Variants in SLC26A9 observed in about 807,000 individuals in gnomAD.
SLC26A9 encodes anion transporter/exchanger protein 9.
In SLC26A9, 46 loss-of-function variants were observed where a neutral mutation model predicts 87.1. That is an observed-to-expected ratio of 0.53 (90% CI 0.42 to 0.67). SLC26A9 has a LOEUF of 0.67. Among genes scored for constraint, SLC26A9 ranks in the 30% least tolerant of loss-of-function variants. The pLI, the probability that SLC26A9 is intolerant of heterozygous loss-of-function variation, is 0.00. For missense variants in SLC26A9, 927 were observed against 1,018.3 expected, an observed-to-expected ratio of 0.91 and a Z score of 1.22; for synonymous variants, 437 against 409.1, an observed-to-expected ratio of 1.07 and a Z score of -0.82.
chr1:205,919,260 G>T (rs1446361298), intron 18 of SLC26A9, among the ~76,000 whole-genome samples: 1 of 152,190 alleles, frequency 6.6e-6, no homozygotes, highest in Non-Finnish European at 1.5e-5. Context: ...AAAAGCCTAA[G>T]CCATCCTTGA....
intron 1 of SLC26A9, among the ~76,000 whole-genome samples, chr1:205,936,168 T>G (rs1314842595): frequency 1.3e-5 from 2 of 152,140 alleles, no homozygotes; most frequent in Non-Finnish European, 2.9e-5. Context: ...AGGCCCCACT[T>G]GATTCAGCAG....
At chr1:205,926,749 G>A in intron 11 of SLC26A9, 119 bp from the exon 12 acceptor site, 1 of 793,148 alleles carries the variant, frequency 1.3e-6, no homozygotes, top group Middle Eastern at 2.3e-4. Context: ...ACCTCCCCTG[G>A]CTGATCCCCC....
intron 20 of SLC26A9, among the ~76,000 whole-genome samples, chr1:205,917,007 C>T (rs1190949696): frequency 4.6e-5 from 7 of 151,494 alleles, no homozygotes; most frequent in African/African-American, 1.7e-4. Context: ...GCAGGAGAAC[C>T]TCTGGAACCC....
intron 2 of SLC26A9, among the ~76,000 whole-genome samples, chr1:205,934,249 T>C (rs1995006): frequency 0.15 from 22,915 of 152,212 alleles, 2,564 homozygotes; most frequent in East Asian, 0.67. Context: ...CCCCCTGTCC[T>C]TTCTGGGGCT....
rs561710394 is a variant in SLC26A9 at position 205,929,068 on chromosome 1, C to G, written c.870+136G>C. ...GTAGAAAGAGAGGAAACGCCACATA[C>G]GGGGGATGGGATGGATTCACAACTG... On this transcript the variant is annotated intron_variant, in intron 7 of 20. Coordinates refer to ENST00000367135, the MANE Select transcript of SLC26A9 (RefSeq NM_052934.4). 4.1e-6 allele frequency: 6 copies of G among 1,463,580 alleles called. No homozygotes were observed. In the African/African-American group the frequency reaches 5.6e-5, roughly 14 times the overall value. The allele number at this position is 1,463,580 out of a possible 1,614,324, so 90.7% of individuals were successfully genotyped here.
chr1:205,927,543 G>A lies in SLC26A9; in HGVS notation c.1164C>T (p.Cys388=), dbSNP rs1344781827. 1.9e-6 allele frequency: 3 copies of A among 1,614,018 alleles called. No individual in the cohort carries two copies. The African/African-American group carries it at 4.0e-5, about 22-fold the overall frequency. ...CAGCCAGAGTGACAGAAAGCGCACA[G>A]CAAATGACATGAATTTTAAAGAAGG... ...FGSFFKIHVI[C]CALSVTLAVD... Residue 388 remains cysteine, a synonymous_variant, in exon 10 of 21, where the codon TGC becomes TGT. Coordinates refer to ENST00000367135, the MANE Select transcript of SLC26A9 (RefSeq NM_052934.4).
chr1:205,929,717 C>A (rs911665508), intron 6 of SLC26A9, among the ~76,000 whole-genome samples, 175 bp downstream of exon 6: 2 of 152,186 alleles, frequency 1.3e-5, no homozygotes, highest in Non-Finnish European at 2.9e-5. Context: ...TACCAAGAAC[C>A]TCTGTGAGTC....
chr1:205,915,222 G>A lies in SLC26A9; in HGVS notation c.*135C>T. ...GAGGGAAGGAAGGGAGGAGAGAGGG[G>A]GAGAGGAGAGAGGAACCCAAGCTCT... On this transcript the variant is annotated 3_prime_UTR_variant, in exon 21 of 21. Transcript: ENST00000367135. 6.2e-7 allele frequency: 1 copy of A among 1,604,584 alleles called. No individual in the cohort carries two copies. Among genetic ancestry groups the A allele is most frequent in the South Asian group, 1.1e-5 (1 of 89,584 alleles).
chr1:205,935,866 T>C (rs776263173), intron 1 of SLC26A9, 28 bp from the exon 2 acceptor site: 1 of 1,595,440 alleles, frequency 6.3e-7, no homozygotes, highest in Non-Finnish European at 8.6e-7. Context: ...GAGGGGAGGG[T>C]GAGGGAACAT....
At chr1:205,923,683 C>G (rs1203720529) in intron 13 of SLC26A9, 70 bp from the exon 14 acceptor site, 4 of 1,587,316 alleles carry the variant, frequency 2.5e-6, no homozygotes, top group Non-Finnish European at 3.5e-6. Flanking sequence ...GGTGCCCCTG[C>G]TGGGGCGGGG....
In SLC26A9 at chr1:205,928,793, G is replaced by A. The variant is rs748060171; in HGVS notation, c.953+34C>T. 35 of 1,604,876 alleles carry A rather than the reference G, an allele frequency of 2.2e-5. No individual in the cohort carries two copies. The Admixed American group carries it at 2.8e-4, about 13-fold the overall frequency. On this transcript the variant is annotated intron_variant, in intron 8 of 20. Coordinates refer to ENST00000367135, the MANE Select transcript of SLC26A9 (RefSeq NM_052934.4). ...CAGGCCTTAGTGGGGCATGAGGTGC[G>A]GGTGGGCCAGGCTTCTGGGCCACCT...
rs766945626 is a variant in SLC26A9, at chr1:205,929,249, G to T, written c.825C>A (p.Arg275=). The T allele has an allele frequency of 1.2e-6, 2 of 1,614,244 alleles. No individual in the cohort carries two copies. Among genetic ancestry groups the T allele is most frequent in the Admixed American group, 1.7e-5 (1 of 60,022 alleles). ...FLVLVKELNA[R]YMHKIRFPIP... The stretch of plus-strand genomic sequence containing the variant: ...TGGGGAAGCGAATCTTGTGCATGTA[G>T]CGAGCATTGAGCTCCTTCACCAGCA... The change falls in exon 7 of 21, where the codon CGC becomes CGA. Residue 275 remains arginine, a synonymous_variant. Coordinates refer to ENST00000367135, the MANE Select transcript of SLC26A9 (RefSeq NM_052934.4).
intron 20 of SLC26A9, 92 bp downstream of exon 20, chr1:205,917,191 G>C: frequency 7.8e-7 from 1 of 1,282,054 alleles, no homozygotes; most frequent in Non-Finnish European, 1.1e-6. Flanking sequence ...CTGGAGGTGA[G>C]ACAGCTGAGT....
rs985841473 is a variant in SLC26A9 at position 205,914,655 on chromosome 1, C to T, written c.*702G>A. On this transcript the variant is annotated 3_prime_UTR_variant, in exon 21 of 21. Transcript: ENST00000367135. ...AGGCAGAACCTTAGTGGGCTGTCCC[C>T]GGGGAGGTAGCTCTGGTGGTCTCGA... 3.2e-5 allele frequency: 16 copies of T among 496,252 alleles called. No homozygotes were observed. Among genetic ancestry groups the T allele is most frequent in the Middle Eastern group, 5.2e-4 (1 of 1,906 alleles). 30.7% of individuals were successfully genotyped at this position (496,252 alleles called of 1,614,324 possible).
chr1:205,932,694 G>A lies in SLC26A9; in HGVS notation c.376+8C>T, dbSNP rs768100876. On this transcript the variant is annotated splice_region_variant and intron_variant, in intron 4 of 20. Transcript: ENST00000367135. ...TCATCCTGCCTGCCCAGAGGGGAGA[G>A]GCCTTACCTGGCACCATCTGGTGAA... is the stretch of plus-strand genomic sequence containing the variant. 5.2e-6 allele frequency: 8 copies of A among 1,552,904 alleles called. No homozygotes were observed. The Admixed American group carries it at 1.6e-4, about 30-fold the overall frequency.
At position 205,932,973 on chromosome 1, in the gene SLC26A9, G is replaced by A; in HGVS notation, c.237C>T (p.Leu79=). ...GTGGGACCTGGATGGATCCCCCGCT[G>A]AGTCCACCGAGCAGGTCAGGAATGA... ...DYIIPDLLGG[L]SGGSIQVPQG... is the part of the protein sequence containing the mutation. Residue 79 remains leucine, a synonymous_variant, in exon 3 of 21, where the codon CTC becomes CTT. Transcript: ENST00000367135. The A allele has an allele frequency of 6.2e-7, 1 of 1,614,106 alleles. No individual in the cohort carries two copies.
chr1:205,919,113 G>A (rs1658716391), intron 18 of SLC26A9, 128 bp from the exon 19 acceptor site: 1 of 1,181,830 alleles, frequency 8.5e-7, no homozygotes, highest in Non-Finnish European at 1.2e-6. Flanking sequence ...CTGTATCTGA[G>A]GGCCATGGCA....
At position 205,926,662 on chromosome 1, in the gene SLC26A9, AG is replaced by A. The variant is rs376388636; in HGVS notation, c.1294-33del. The stretch of plus-strand genomic sequence containing the variant: ...AAGCAGAACATTGCTCCAGGACCCC[AG>A]GGTCTCCCCTTCTTTTTGCCCTCCT... On this transcript the variant is annotated intron_variant, in intron 11 of 20. Coordinates refer to ENST00000367135, the MANE Select transcript of SLC26A9 (RefSeq NM_052934.4). 2.2e-3 allele frequency: 3,473 copies of A among 1,594,458 alleles called. 35 individuals are homozygous for A. The highest frequency in any genetic ancestry group is 0.017 in the Middle Eastern group (104 of 6,022).
chr1:205,926,306 C>A (rs1275315920), intron 12 of SLC26A9, among the ~76,000 whole-genome samples: 1 of 152,152 alleles, frequency 6.6e-6, no homozygotes, highest in Non-Finnish European at 1.5e-5. Flanking sequence ...GACACCAAGA[C>A]TGGGAAAGGT....
Sources: allele counts gnomAD v4.1 joint callset (sites outside exome capture counted in the v4.1 genomes callset), GRCh38; gene constraint gnomAD v4.1.1; transcripts MANE v1.5; gene names NCBI Gene and HGNC (gene_info 2026-07-23, HGNC 2026-07-21).